Variants in BIN3 observed in about 807,000 individuals in gnomAD.
BIN3 encodes bridging integrator 3.
Under a neutral mutation model 38.2 loss-of-function variants are expected in BIN3, and 41 were observed. The observed-to-expected ratio is 1.07, with a 90% CI of 0.84 to 1.39. BIN3 has a LOEUF of 1.39. Ranked by LOEUF, BIN3 falls within the 40% of genes most tolerant of loss-of-function variation. The pLI, the probability that BIN3 is intolerant of heterozygous loss-of-function variation, is 0.00. For synonymous variants in BIN3, 145 were observed against 122.6 expected, an observed-to-expected ratio of 1.18 and a Z score of -1.21; for missense variants, 361 against 324.3, an observed-to-expected ratio of 1.11 and a Z score of -0.87.
chr8:22,630,397 C>T (rs771177103), intron 5 of BIN3, 45 bp downstream of exon 5: 30 of 1,607,410 alleles, frequency 1.9e-5, no homozygotes, highest in South Asian at 1.0e-4. Flanking sequence ...AGGCCCAGAC[C>T]GGGCAGAAGT....
chr8:22,647,852 C>A (rs1225470772), intron 1 of BIN3, among the ~76,000 whole-genome samples: 1 of 152,046 alleles, frequency 6.6e-6, no homozygotes, highest in Non-Finnish European at 1.5e-5. Flanking sequence ...TGAGGCCGGG[C>A]GTGGTGGCTC....
At chr8:22,655,365 T>C (rs1347262650) in intron 1 of BIN3, among the ~76,000 whole-genome samples, 1 of 152,242 alleles carries the variant, frequency 6.6e-6, no homozygotes, top group Non-Finnish European at 1.5e-5. Context: ...TCCAAGGTCA[T>C]GAAGATTTAC....
In BIN3 at chr8:22,630,616, G is replaced by T. The variant is rs569151863; in HGVS notation, c.161-38C>A. 6.6e-5 allele frequency: 106 copies of T among 1,611,054 alleles called. No homozygotes were observed. The South Asian group carries it at 1.1e-3, about 17-fold the overall frequency. On this transcript the variant is annotated intron_variant, in intron 4 of 8. Coordinates refer to ENST00000276416, the MANE Select transcript of BIN3 (RefSeq NM_018688.6). Reference sequence around the variant, plus strand: ...AAAGCTCGGTGAACCTTCTATGAAGGGGCAGGTTTCACGGCCTTCTCTCCA... The same window carrying T: ...AAAGCTCGGTGAACCTTCTATGAAGTGGCAGGTTTCACGGCCTTCTCTCCA...
At chr8:22,661,103 T>C (rs1327164107) in intron 1 of BIN3, among the ~76,000 whole-genome samples, 1 of 152,124 alleles carries the variant, frequency 6.6e-6, no homozygotes, top group Non-Finnish European at 1.5e-5. Flanking sequence ...CAGGTTAGTC[T>C]CCATCTCCTG....
At chr8:22,651,762 T>C (rs1802902155) in intron 1 of BIN3, among the ~76,000 whole-genome samples, 1 of 152,236 alleles carries the variant, frequency 6.6e-6, no homozygotes, top group South Asian at 2.1e-4. Context: ...CGGTGTTGTA[T>C]AATTTTACAA....
chr8:22,636,574 C>T lies in BIN3; in HGVS notation c.111G>A (p.Gln37=). The change falls in exon 4 of 9, where the codon CAG becomes CAA. Residue 37 remains glutamine, a synonymous_variant. Transcript: ENST00000276416. ...EYGKLQQLEE[Q]TRRLQKDMKK... ...TCATGTCTTTCTGCAGCCTCCGGGT[C>T]TGCTCTTCCAGCCTGCAAGGCAGGG... 1 of 1,552,312 alleles carries T rather than the reference C, an allele frequency of 6.4e-7. No individual in the cohort carries two copies. Among genetic ancestry groups the T allele is most frequent in the Non-Finnish European group, 8.7e-7 (1 of 1,147,458 alleles).
intron 2 of BIN3, among the ~76,000 whole-genome samples, chr8:22,643,399 G>C (rs1045002057): frequency 5.3e-5 from 8 of 152,262 alleles, no homozygotes; most frequent in African/African-American, 1.9e-4. Context: ...GGTGCAATCA[G>C]AGCTCACTGT....
Position 22,635,776 on chromosome 8 carries a change from G to A in BIN3, c.160+749C>T, listed in dbSNP as rs556286700. Among the ~76,000 whole-genome samples the A allele has an allele frequency of 7.2e-5, 11 of 152,274 alleles. No individual in the cohort carries two copies. In the South Asian group the frequency reaches 2.3e-3, roughly 32 times the overall value. ...CCTTTGGTCAAGTGCTTGCTGCTCC[G>A]GGGTGGGAAAGTCAAGGCCTTGGAG... On this transcript the variant is annotated intron_variant, in intron 4 of 8. Transcript: ENST00000276416.
Position 22,630,054 on chromosome 8 carries a change from G to A in BIN3, c.298-50C>T, listed in dbSNP as rs749400546. ...TTAAAACTGGTGGGGAGGGGAGGGCGACACGCAAGGCAGGGCCCCTAACTA... is the reference window on the plus strand; with the variant it reads ...TTAAAACTGGTGGGGAGGGGAGGGCAACACGCAAGGCAGGGCCCCTAACTA... On this transcript the variant is annotated intron_variant, in intron 5 of 8. Coordinates refer to ENST00000276416, the MANE Select transcript of BIN3 (RefSeq NM_018688.6). 40 of 1,538,908 alleles carry A rather than the reference G, an allele frequency of 2.6e-5. No homozygotes were observed. The Admixed American group carries it at 4.0e-4, about 15-fold the overall frequency.
intron 1 of BIN3, among the ~76,000 whole-genome samples, chr8:22,666,432 G>T (rs962272289): frequency 6.6e-6 from 1 of 151,992 alleles, no homozygotes; most frequent in Non-Finnish European, 1.5e-5. Flanking sequence ...GAGAAAAAGA[G>T]AGCGAGAGAG....
rs528176697 is a variant in BIN3, at chr8:22,621,416, G to A, written c.*6C>T. On this transcript the variant is annotated 3_prime_UTR_variant, in exon 9 of 9. Coordinates refer to ENST00000276416, the MANE Select transcript of BIN3 (RefSeq NM_018688.6). ...GTCACAGGAGTCCTCCAAGAGTGACGGGGATTCAGTCATCGGCCACAATGG... is the reference window on the plus strand; with the variant it reads ...GTCACAGGAGTCCTCCAAGAGTGACAGGGATTCAGTCATCGGCCACAATGG... The A allele has an allele frequency of 1.7e-4, 270 of 1,611,748 alleles. 2 individuals carry two copies. The South Asian group carries it at 2.3e-3, about 14-fold the overall frequency.
At chr8:22,642,756 G>C (rs1802603276) in intron 2 of BIN3, among the ~76,000 whole-genome samples, 1 of 152,224 alleles carries the variant, frequency 6.6e-6, no homozygotes, top group Non-Finnish European at 1.5e-5. Flanking sequence ...CAAGGTCAGA[G>C]ACAGCATGTG....
At chr8:22,629,890 T>A (rs1209530121) in intron 6 of BIN3, 74 bp downstream of exon 6, 1 of 1,401,006 alleles carries the variant, frequency 7.1e-7, no homozygotes, top group Non-Finnish European at 9.9e-7. Flanking sequence ...CTAGAAATCC[T>A]CTTCAGTCCC....
intron 1 of BIN3, among the ~76,000 whole-genome samples, chr8:22,663,977 T>C (rs955963991): frequency 5.3e-5 from 8 of 152,274 alleles, no homozygotes; most frequent in African/African-American, 1.9e-4. Context: ...GATCGACTCA[T>C]GCAAGTCTTT....
chr8:22,642,326 T>C (rs1287924165), intron 2 of BIN3, among the ~76,000 whole-genome samples: 1 of 68,474 alleles, frequency 1.5e-5, no homozygotes, highest in Non-Finnish European at 2.8e-5. Context: ...CAGGCCTGTT[T>C]TGGGGGCCGG....
At chr8:22,622,423 G>T (rs1056633657) in intron 8 of BIN3, 1 of 152,326 alleles carries the variant, frequency 6.6e-6, no homozygotes, top group Non-Finnish European at 1.5e-5. Flanking sequence ...CGCCGGCCGA[G>T]GGGGTGCTAA....
chr8:22,654,459 C>T (rs987731239), intron 1 of BIN3, among the ~76,000 whole-genome samples: 4 of 152,084 alleles, frequency 2.6e-5, no homozygotes, highest in Non-Finnish European at 5.9e-5. Flanking sequence ...TTCATCACAC[C>T]AAAAAGAAAC....
At chr8:22,629,145 A>C (rs1402845443) in intron 6 of BIN3, among the ~76,000 whole-genome samples, 1 of 152,230 alleles carries the variant, frequency 6.6e-6, no homozygotes, top group Non-Finnish European at 1.5e-5. Flanking sequence ...CTGCAGGATC[A>C]AAAACTGCTC....
At chr8:22,632,589 A>T (rs1448566406) in intron 4 of BIN3, among the ~76,000 whole-genome samples, 3 of 152,174 alleles carry the variant, frequency 2.0e-5, no homozygotes, top group Non-Finnish European at 4.4e-5. Flanking sequence ...AGATAATAAA[A>T]TTCTGGATAA....
Sources: allele counts gnomAD v4.1 joint callset (sites outside exome capture counted in the v4.1 genomes callset), GRCh38; gene constraint gnomAD v4.1.1; transcripts MANE v1.5; gene names NCBI Gene and HGNC (gene_info 2026-07-23, HGNC 2026-07-21).